KCNU1: variants seen among roughly 807,000 people sequenced by gnomAD.
KCNU1 encodes potassium calcium-activated channel subfamily U member 1.
In KCNU1, 93 loss-of-function variants were observed where a neutral mutation model predicts 126.8. That is an observed-to-expected ratio of 0.73 (90% confidence interval 0.62 to 0.87). The LOEUF is 0.87. Among genes scored for constraint, KCNU1 ranks in the 40% least tolerant of loss-of-function variants. The probability of loss-of-function intolerance (pLI) is 0.00; values close to 1 mark genes in which losing one functional copy is unlikely to be tolerated. For missense variants in KCNU1, 1,330 were observed against 1,367.1 expected, an observed-to-expected ratio of 0.97 and a Z score of 0.43; for synonymous variants, 523 against 494.2, an observed-to-expected ratio of 1.06 and a Z score of -0.77.
At chr8:36,846,123 A>G (rs1805135027) in intron 18 of KCNU1, among the ~76,000 whole-genome samples, 2 of 152,258 alleles carry the variant, frequency 1.3e-5, no homozygotes, top group Admixed American at 1.3e-4. Context: ...AGGCAAATGC[A>G]TTTTAAGAGA....
chr8:36,933,665 T>C (rs1156869717), intron 26 of KCNU1, among the ~76,000 whole-genome samples: 1 of 151,736 alleles, frequency 6.6e-6, no homozygotes, highest in Admixed American at 6.6e-5. Flanking sequence ...CAGAAAGGAA[T>C]AGAGTGGAAA....
At chr8:36,851,387 ATC>A (rs35502970) in intron 18 of KCNU1, among the ~76,000 whole-genome samples, 346 of 119,228 alleles carry the variant, frequency 2.9e-3, no homozygotes, top group East Asian at 3.6e-3. Flanking sequence ...CTCTCTCTCT[ATC>A]TCTCTCTCTC....
intron 25 of KCNU1, among the ~76,000 whole-genome samples, chr8:36,931,935 A>G (rs1269842814): frequency 6.6e-6 from 1 of 152,130 alleles, no homozygotes; most frequent in Non-Finnish European, 1.5e-5. Context: ...CCAAGAAATG[A>G]GAAATCTACT....
Position 36,817,885 on chromosome 8 carries a change from C to CA in KCNU1, c.1106+131dup, listed in dbSNP as rs1241959034. ...AAGTAGGTATTGATCATAAACAAAA[C>CA]AAAAAAGAAAAGAAATCTTTGACCA... On this transcript the variant is annotated intron_variant, in intron 10 of 26. Coordinates refer to ENST00000399881, the MANE Select transcript of KCNU1 (RefSeq NM_001031836.3). 20 of 544,112 alleles carry CA rather than the reference C, an allele frequency of 3.7e-5. No individual in the cohort carries two copies. The African/African-American group carries it at 3.8e-4, about 10-fold the overall frequency. The allele number at this position is 544,112 out of a possible 1,614,324, so 33.7% of individuals were successfully genotyped here.
chr8:36,830,640 T>A (rs989151869), intron 10 of KCNU1, among the ~76,000 whole-genome samples: 1 of 152,144 alleles, frequency 6.6e-6, no homozygotes, highest in Non-Finnish European at 1.5e-5. Context: ...CGCGAAACCA[T>A]GTAGAACTAG....
At chr8:36,812,587 A>T (rs1256708943) in intron 7 of KCNU1, among the ~76,000 whole-genome samples, 4 of 152,162 alleles carry the variant, frequency 2.6e-5, no homozygotes, top group Non-Finnish European at 4.4e-5. Context: ...CTAAAGTTGA[A>T]ACAAAGTTTA....
chr8:36,795,576 C>T (rs543596864), intron 2 of KCNU1: 4 of 153,072 alleles, frequency 2.6e-5, no homozygotes, highest in Non-Finnish European at 5.8e-5. Flanking sequence ...GGACACTTGC[C>T]CCTTCCTTTG....
chr8:36,897,084 GTC>G (rs1457852495), intron 19 of KCNU1, among the ~76,000 whole-genome samples: 7 of 152,128 alleles, frequency 4.6e-5, no homozygotes, highest in African/African-American at 1.7e-4. Context: ...AGCAAAAAGA[GTC>G]TGAGTCAAAA....
chr8:36,806,498 C>G, intron 5 of KCNU1, 118 bp downstream of exon 5: 3 of 630,134 alleles, frequency 4.8e-6, no homozygotes, highest in Non-Finnish European at 8.3e-6. Context: ...TTAAAAACCT[C>G]TCACCTTAAT....
chr8:36,919,719 C>T (rs1808270714), intron 23 of KCNU1, among the ~76,000 whole-genome samples: 1 of 152,200 alleles, frequency 6.6e-6, no homozygotes, highest in African/African-American at 2.4e-5. Context: ...GAGATGATCT[C>T]TAAAAACTGG....
chr8:36,870,395 C>T (rs553165918), intron 19 of KCNU1, among the ~76,000 whole-genome samples: 1 of 152,130 alleles, frequency 6.6e-6, no homozygotes, highest in Non-Finnish European at 1.5e-5. Context: ...CCATACATAC[C>T]CTGTTGTCTC....
intron 20 of KCNU1, among the ~76,000 whole-genome samples, chr8:36,908,582 G>A (rs1264179745): frequency 2.9e-5 from 4 of 137,602 alleles, no homozygotes; most frequent in Non-Finnish European, 3.0e-5. Flanking sequence ...ACTATCGCAA[G>A]GACAGACAAT....
At position 36,815,648 on chromosome 8, in the gene KCNU1, G is replaced by C; in HGVS notation, c.956G>C (p.Arg319Thr). Reference protein sequence around the residue: ...PEMVELFANKRKYTSSYEALK... With the variant: ...PEMVELFANKTKYTSSYEALK... ...ATGGTGGAACTGTTTGCTAACAAGAGGAAATACACCAGTTCCTATGAAGCA... is the reference window on the plus strand; with the variant it reads ...ATGGTGGAACTGTTTGCTAACAAGACGAAATACACCAGTTCCTATGAAGCA... Residue 319 changes from arginine (R) to threonine (T), a missense_variant, in exon 9 of 27, where the codon AGG (arginine) becomes ACG (threonine). Physicochemically the swap from Arg to Thr is moderately conservative, Grantham distance 71 (BLOSUM62 -1). Around this residue, in one of 3 missense-constraint regions of KCNU1, gnomAD observed 1,054 missense variants for 1,053.9 expected, o/e 1.00. Transcript: ENST00000399881. 6.3e-7 allele frequency: 1 copy of C among 1,595,218 alleles called. No individual in the cohort carries two copies. The highest frequency in any genetic ancestry group is 8.5e-7 in the Non-Finnish European group (1 of 1,170,304).
intron 1 of KCNU1, 44 bp from the exon 2 acceptor site, chr8:36,787,262 C>A: frequency 6.5e-7 from 1 of 1,547,770 alleles, no homozygotes; most frequent in South Asian, 1.2e-5. Flanking sequence ...ATTTCTTTCT[C>A]TCAGATCCAG....
At chr8:36,914,552 A>G (rs1435502147) in intron 22 of KCNU1, among the ~76,000 whole-genome samples, 2 of 152,188 alleles carry the variant, frequency 1.3e-5, no homozygotes, top group Non-Finnish European at 2.9e-5. Context: ...AGGACCATCA[A>G]GGCTATTCAC....
At chr8:36,834,893 A>G in intron 12 of KCNU1, 25 bp downstream of exon 12, 1 of 1,461,192 alleles carries the variant, frequency 6.8e-7, no homozygotes, top group Non-Finnish European at 9.5e-7. Context: ...TTTGTATGCT[A>G]TAACGATTAT....
chr8:36,803,117 G>A (rs1024398826), intron 2 of KCNU1, among the ~76,000 whole-genome samples: 4 of 152,160 alleles, frequency 2.6e-5, no homozygotes, highest in Admixed American at 2.0e-4. Flanking sequence ...CTACAATTCT[G>A]CAGAGGTCAG....
rs1268200034 is a variant in KCNU1, at chr8:36,807,447, C to T, written c.653C>T (p.Thr218Ile). Reference sequence around the variant, plus strand: ...TTGCAAATTCTACGAGCCATCAAGACCAGGTAAATAGCCCTGACCGAAGTA... The same window carrying T: ...TTGCAAATTCTACGAGCCATCAAGATCAGGTAAATAGCCCTGACCGAAGTA... ...QILQILRAIK[T>I]SNSVKFSKLL... is the part of the protein sequence containing the mutation. The change falls in exon 6 of 27, where the codon ACC becomes ATC. Residue 218 changes from threonine to isoleucine, a missense_variant. Coordinates refer to ENST00000399881, the MANE Select transcript of KCNU1 (RefSeq NM_001031836.3). 1 of 1,609,546 alleles carries T rather than the reference C, an allele frequency of 6.2e-7. No individual in the cohort carries two copies. The highest frequency in any genetic ancestry group is 1.3e-5 in the African/African-American group (1 of 74,782).
Position 36,911,052 on chromosome 8 carries a change from C to T in KCNU1, c.2454C>T (p.Ile818=), listed in dbSNP as rs1807852994. The T allele has an allele frequency of 1.2e-6, 2 of 1,613,838 alleles. No individual in the cohort carries two copies. Among genetic ancestry groups the T allele is most frequent in the Non-Finnish European group, 1.7e-6 (2 of 1,179,820 alleles). The part of the protein sequence containing the change: ...SNQTLVDTEA[I]MATLTIGSLQ... Reference sequence around the variant, plus strand: ...AGACTTTGGTAGACACAGAAGCCATCATGGCAACCCTCACCATCGGATCCT... The same window carrying T: ...AGACTTTGGTAGACACAGAAGCCATTATGGCAACCCTCACCATCGGATCCT... Residue 818 remains isoleucine, a synonymous_variant, in exon 22 of 27, where the codon ATC becomes ATT. Coordinates refer to ENST00000399881, the MANE Select transcript of KCNU1 (RefSeq NM_001031836.3).
Sources: gnomAD v4.1 joint callset for allele counts (sites outside exome capture counted in the v4.1 genomes callset) on GRCh38, gnomAD v4.1.1 for gene constraint, gnomAD v4.1.1 regional missense constraint, MANE v1.5 for transcripts, NCBI Gene and HGNC (gene_info 2026-07-23, HGNC 2026-07-21) for gene names.